The following SLC8B1 variants were observed in gnomAD, a reference collection of about 807,000 sequenced individuals.
SLC8B1 encodes the protein solute carrier family 8 member B1, also known as mitochondrial sodium/calcium exchanger protein.
Under a neutral mutation model 63.4 loss-of-function variants are expected in SLC8B1, and 52 were observed. The ratio of observed to expected loss-of-function variants is 0.82; its 90% confidence interval spans 0.66 to 1.03. The LOEUF (loss-of-function observed/expected upper bound fraction) is 1.03, where lower values mean the gene tolerates loss of function less well. Among genes scored for constraint, SLC8B1 ranks in the 50% least tolerant of loss-of-function variants. The probability of loss-of-function intolerance (pLI) is 0.00; values close to 1 mark genes in which losing one functional copy is unlikely to be tolerated. For synonymous variants in SLC8B1, 336 were observed against 323.9 expected (o/e 1.04, Z -0.40); for missense variants, 657 against 741.7 (o/e 0.89, Z 1.33).
intron 8 of SLC8B1, among the ~76,000 whole-genome samples, chr12:113,317,967 T>A (rs538650934): frequency 6.6e-6 from 1 of 152,212 alleles, no homozygotes; most frequent in Non-Finnish European, 1.5e-5. Flanking sequence ...GTATCCTGTG[T>A]CTATACACAT....
intron 2 of SLC8B1, among the ~76,000 whole-genome samples, chr12:113,331,899 G>A (rs988657385): frequency 1.3e-5 from 2 of 151,928 alleles, no homozygotes; most frequent in Non-Finnish European, 2.9e-5. Context: ...CCTCCTAGCC[G>A]CAGCCTGTAA....
chr12:113,326,350 CTTTT>C (rs1424089781), intron 2 of SLC8B1, among the ~76,000 whole-genome samples: 2 of 152,058 alleles, frequency 1.3e-5, no homozygotes, highest in African/African-American at 2.4e-5. Flanking sequence ...TTCTTTCTTT[CTTTT>C]CTTTTTTCTT....
intron 1 of SLC8B1, among the ~76,000 whole-genome samples, chr12:113,333,173 AC>A (rs1336845164): frequency 2.0e-5 from 3 of 152,138 alleles, no homozygotes. Context: ...CTTCCTGAGA[AC>A]CCATGAAAAC....
Position 113,299,914 on chromosome 12 carries a change from A to G in SLC8B1, c.1618T>C (p.Phe540Leu), listed in dbSNP as rs1956551956. The G allele has an allele frequency of 1.2e-6, 2 of 1,614,190 alleles. No individual in the cohort carries two copies. Among genetic ancestry groups the G allele is most frequent in the Non-Finnish European group, 8.5e-7 (1 of 1,180,050 alleles). Residue 540 changes from phenylalanine (F) to leucine (L), a missense_variant, in exon 16 of 16, where the codon TTC (phenylalanine) becomes CTC (leucine). Coordinates refer to ENST00000680972, the MANE Select transcript of SLC8B1 (RefSeq NM_001358345.2). ...TGCAATGGGACTGAGACCAGGGAGA[A>G]GACGAGGCTGAGCCCCAGGGCGCCT... ...LAGALGLSLV[F>L]SLVSVPLQCF...
chr12:113,319,199 G>A (rs1017601751), intron 7 of SLC8B1, 128 bp from the exon 8 acceptor site: 39 of 683,964 alleles, frequency 5.7e-5, no homozygotes, highest in South Asian at 1.9e-4. Flanking sequence ...GGTACCAGTG[G>A]GTAAATGGCC....
intron 11 of SLC8B1, among the ~76,000 whole-genome samples, chr12:113,312,162 G>T (rs1360827216): frequency 6.6e-6 from 1 of 152,030 alleles, no homozygotes; most frequent in Non-Finnish European, 1.5e-5. Context: ...GGCTGGGTGC[G>T]GTGGCTCACA....
chr12:113,329,900 G>A (rs1307627135), intron 2 of SLC8B1, among the ~76,000 whole-genome samples: 1 of 152,034 alleles, frequency 6.6e-6, no homozygotes, highest in African/African-American at 2.4e-5. Flanking sequence ...TCTCCTGCCT[G>A]GTCTCCCTTC....
At chr12:113,328,996 C>G (rs1482630605) in intron 2 of SLC8B1, among the ~76,000 whole-genome samples, 3 of 152,132 alleles carry the variant, frequency 2.0e-5, no homozygotes, top group Non-Finnish European at 4.4e-5. Flanking sequence ...AGTGATCCAC[C>G]TGCCTCGGCC....
At chr12:113,327,244 T>C (rs974325803) in intron 2 of SLC8B1, among the ~76,000 whole-genome samples, 5 of 152,038 alleles carry the variant, frequency 3.3e-5, no homozygotes, top group African/African-American at 1.2e-4. Flanking sequence ...ATAATAATCA[T>C]ATTGGGAGGC....
chr12:113,332,888 C>G lies in SLC8B1; in HGVS notation c.-10G>C. 1 of 1,613,192 alleles carries G rather than the reference C, an allele frequency of 6.2e-7. No individual in the cohort carries two copies. The highest frequency in any genetic ancestry group is 8.5e-7 in the Non-Finnish European group (1 of 1,179,732). ...GCCTTCTGCCGGCCATCTGCCCCCACGGGGCCTGGCCCTTACTCTCCACTT... is the reference window on the plus strand; with the variant it reads ...GCCTTCTGCCGGCCATCTGCCCCCAGGGGGCCTGGCCCTTACTCTCCACTT... On this transcript the variant is annotated 5_prime_UTR_variant, in exon 2 of 16. Coordinates refer to ENST00000680972, the MANE Select transcript of SLC8B1 (RefSeq NM_001358345.2).
intron 2 of SLC8B1, among the ~76,000 whole-genome samples, chr12:113,331,274 A>G (rs938566789): frequency 6.6e-6 from 1 of 151,836 alleles, no homozygotes; most frequent in African/African-American, 2.4e-5. Context: ...CTGTAATCCC[A>G]ACTACTCGGG....
intron 8 of SLC8B1, 101 bp downstream of exon 8, chr12:113,318,863 T>C: frequency 2.4e-6 from 2 of 837,364 alleles, no homozygotes; most frequent in South Asian, 1.5e-5. Flanking sequence ...GGAGATGAGC[T>C]TGGTGGGGAC....
chr12:113,331,313 G>A (rs529250655), intron 2 of SLC8B1, among the ~76,000 whole-genome samples: 4 of 151,570 alleles, frequency 2.6e-5, no homozygotes, highest in Admixed American at 1.3e-4. Context: ...GCTTGAACCC[G>A]GGAGGTGGAG....
intron 11 of SLC8B1, among the ~76,000 whole-genome samples, chr12:113,312,559 A>C (rs943242706): frequency 3.3e-5 from 5 of 152,228 alleles, no homozygotes; most frequent in African/African-American, 7.2e-5. Context: ...CGGGAGGCTC[A>C]CCTTGAGTCA....
intron 13 of SLC8B1, among the ~76,000 whole-genome samples, chr12:113,307,052 A>G (rs1210861543): frequency 2.3e-5 from 3 of 131,810 alleles, no homozygotes; most frequent in African/African-American, 8.5e-5. Flanking sequence ...CAGAGGTTGC[A>G]GTGAGCCAAG....
rs1206942153 is a variant in SLC8B1 at position 113,319,078 on chromosome 12, A to G, written c.695-7T>C. ...ACATACAAGCCCAGGTAACCTGCAG[A>G]CGGGGTGCACGCCGTCACCAAGTGG... is the stretch of plus-strand genomic sequence containing the variant. On this transcript the variant is annotated splice_polypyrimidine_tract_variant and splice_region_variant and intron_variant, in intron 7 of 15. Coordinates refer to ENST00000680972, the MANE Select transcript of SLC8B1 (RefSeq NM_001358345.2). 1 of 1,609,138 alleles carries G rather than the reference A, an allele frequency of 6.2e-7. No homozygotes were observed. Among genetic ancestry groups the G allele is most frequent in the East Asian group, 2.2e-5 (1 of 44,856 alleles).
chr12:113,330,291 G>C (rs894295876), intron 2 of SLC8B1, among the ~76,000 whole-genome samples: 1 of 152,210 alleles, frequency 6.6e-6, no homozygotes, highest in Admixed American at 6.5e-5. Context: ...TAAGGTAAGG[G>C]GCTGGGGGGG....
intron 2 of SLC8B1, among the ~76,000 whole-genome samples, chr12:113,326,674 T>C (rs953187274): frequency 1.3e-5 from 2 of 148,372 alleles, no homozygotes; most frequent in East Asian, 1.9e-4. Flanking sequence ...GCCTCTTTTC[T>C]TTCTCTCTCT....
chr12:113,317,429 AT>A (rs563044605), intron 8 of SLC8B1, among the ~76,000 whole-genome samples: 1 of 152,192 alleles, frequency 6.6e-6, no homozygotes, highest in Non-Finnish European at 1.5e-5. Context: ...AGCAGTCTGC[AT>A]GCGTGCTCAG....
Sources: allele counts gnomAD v4.1 joint callset (sites outside exome capture counted in the v4.1 genomes callset), GRCh38; gene constraint gnomAD v4.1.1; transcripts MANE v1.5; gene names NCBI Gene and HGNC (gene_info 2026-07-23, HGNC 2026-07-21).